Variants in DPH6 observed in about 807,000 individuals in gnomAD.
DPH6 encodes diphthamine biosynthesis 6.
A neutral mutation model predicts 38.2 loss-of-function variants in DPH6; 33 were observed. The ratio of observed to expected loss-of-function variants is 0.86; its 90% CI spans 0.65 to 1.15. The LOEUF (loss-of-function observed/expected upper bound fraction) is 1.15, where lower values mean the gene tolerates loss of function less well. DPH6 is among the 50% of genes most tolerant of loss of function. The probability of loss-of-function intolerance (pLI) is 0.00; values close to 1 mark genes in which losing one functional copy is unlikely to be tolerated. For synonymous variants in DPH6, 108 were observed against 103.0 expected (o/e 1.05, Z -0.30); for missense variants, 325 against 320.0 (o/e 1.02, Z -0.12).
chr15:35,195,988 T>C, the DPH6 span, among the ~76,000 whole-genome samples: 1 of 152,086 alleles, frequency 6.6e-6, no homozygotes, highest in African/African-American at 2.4e-5. Flanking sequence ...GGGTCACAGA[T>C]AGGGTACTGT....
chr15:35,483,862 A>G lies in DPH6; in HGVS notation c.313-29042T>C, dbSNP rs1035000296. On this transcript the variant is annotated intron_variant, in intron 3 of 8. Coordinates refer to ENST00000256538, the MANE Select transcript of DPH6 (RefSeq NM_080650.4). ...GAATACTATTCAGCAATAAAAAGAAATGAAGTACTGATGTGTACAACGTGA... is the reference window on the plus strand; with the variant it reads ...GAATACTATTCAGCAATAAAAAGAAGTGAAGTACTGATGTGTACAACGTGA... Among the ~76,000 whole-genome samples the G allele has an allele frequency of 3.3e-5, 5 of 152,250 alleles. No homozygotes were observed. The South Asian group carries it at 1.0e-3, about 31-fold the overall frequency.
chr15:35,237,589 G>A (rs983148217), intron 3 of DPH6: 21 of 1,587,634 alleles, frequency 1.3e-5, no homozygotes, highest in East Asian at 4.5e-5. Flanking sequence ...AAAAGTGTCC[G>A]AACCTCACGC....
chr15:35,404,354 G>A (rs1454350726), intron 6 of DPH6, among the ~76,000 whole-genome samples: 2 of 152,096 alleles, frequency 1.3e-5, no homozygotes, highest in Non-Finnish European at 2.9e-5. Context: ...GACAGCATAT[G>A]AGGGTTCCCT....
At chr15:35,535,239 A>G (rs1292551619) in intron 3 of DPH6, among the ~76,000 whole-genome samples, 2 of 152,214 alleles carry the variant, frequency 1.3e-5, no homozygotes, top group African/African-American at 4.8e-5. Context: ...AAAAAGGAAC[A>G]ACAATCACAC....
chr15:35,456,060 C>T (rs2053992330), intron 3 of DPH6, among the ~76,000 whole-genome samples: 1 of 152,066 alleles, frequency 6.6e-6, no homozygotes, highest in African/African-American at 2.4e-5. Context: ...CAAATCACCC[C>T]AAAATAAAAC....
intron 3 of DPH6, among the ~76,000 whole-genome samples, chr15:35,361,736 G>A (rs967680970): frequency 6.6e-6 from 1 of 150,576 alleles, no homozygotes; most frequent in Admixed American, 6.6e-5. Flanking sequence ...GAATTTTTTG[G>A]TTCAGTTTTT....
At chr15:35,315,605 A>T (rs2052182176) in intron 3 of DPH6, among the ~76,000 whole-genome samples, 1 of 152,226 alleles carries the variant, frequency 6.6e-6, no homozygotes, top group Non-Finnish European at 1.5e-5. Flanking sequence ...GTAAATTAGC[A>T]GAGTGACTAT....
chr15:35,291,461 C>T (rs1342334417), intron 3 of DPH6, among the ~76,000 whole-genome samples: 1 of 152,022 alleles, frequency 6.6e-6, no homozygotes, highest in Non-Finnish European at 1.5e-5. Context: ...TAACCTTCTA[C>T]AGATTTTTAT....
At chr15:35,306,973 T>C (rs568539628) in intron 3 of DPH6, among the ~76,000 whole-genome samples, 1 of 152,276 alleles carries the variant, frequency 6.6e-6, no homozygotes, top group East Asian at 1.9e-4. Flanking sequence ...AAAGAGAGCA[T>C]TTCAGGGATA....
chr15:35,272,270 A>C (rs547217357), intron 3 of DPH6, among the ~76,000 whole-genome samples: 1 of 152,306 alleles, frequency 6.6e-6, no homozygotes, highest in Non-Finnish European at 1.5e-5. Context: ...TGCAGACACT[A>C]TGGCCATTTA....
intron 5 of DPH6, among the ~76,000 whole-genome samples, chr15:35,433,746 T>C (rs1479738005): frequency 3.3e-5 from 5 of 152,208 alleles, no homozygotes; most frequent in Non-Finnish European, 7.3e-5. Flanking sequence ...TCAATTAATA[T>C]TGAAGCTCTA....
chr15:35,255,291 A>G (rs1398323574), intron 3 of DPH6, among the ~76,000 whole-genome samples: 1 of 152,210 alleles, frequency 6.6e-6, no homozygotes, highest in African/African-American at 2.4e-5. Context: ...GCCTTCTTAA[A>G]TCCCCTCAAA....
intron 6 of DPH6, among the ~76,000 whole-genome samples, chr15:35,408,402 G>T (rs904607913): frequency 2.0e-5 from 3 of 151,978 alleles, no homozygotes; most frequent in Admixed American, 2.0e-4. Context: ...TTAAGGTGAT[G>T]ACAAAGAGAA....
At chr15:35,210,494 C>T in the DPH6 span, among the ~76,000 whole-genome samples, 1 of 152,060 alleles carries the variant, frequency 6.6e-6, no homozygotes, top group African/African-American at 2.4e-5. Flanking sequence ...AATAATTAAC[C>T]ACTGTATTTG....
At chr15:35,511,431 G>A (rs2054768492) in intron 3 of DPH6, among the ~76,000 whole-genome samples, 1 of 150,980 alleles carries the variant, frequency 6.6e-6, no homozygotes, top group Non-Finnish European at 1.5e-5. Context: ...ACACATGTGA[G>A]ATGAAAGAGA....
chr15:35,349,091 T>C (rs764546033), intron 3 of DPH6, among the ~76,000 whole-genome samples: 5 of 152,164 alleles, frequency 3.3e-5, no homozygotes, highest in African/African-American at 9.7e-5. Flanking sequence ...TATAAGATTA[T>C]GTCATTTGTG....
intron 6 of DPH6, among the ~76,000 whole-genome samples, chr15:35,407,042 C>G (rs2053303110): frequency 6.6e-6 from 1 of 151,832 alleles, no homozygotes; most frequent in Non-Finnish European, 1.5e-5. Context: ...AGTGAGTAGC[C>G]TCACAGAAGC....
intron 3 of DPH6, among the ~76,000 whole-genome samples, chr15:35,497,230 A>G (rs2054569702): frequency 6.6e-6 from 1 of 152,206 alleles, no homozygotes; most frequent in Non-Finnish European, 1.5e-5. Flanking sequence ...TTACATTCTT[A>G]GAAATGGTCA....
At chr15:35,382,886 A>T (rs976478979) in intron 6 of DPH6, among the ~76,000 whole-genome samples, 2 of 152,048 alleles carry the variant, frequency 1.3e-5, no homozygotes, top group East Asian at 3.9e-4. Flanking sequence ...AACACAAAAA[A>T]ACCTATGATT....
Sources: gnomAD v4.1 joint callset for allele counts (sites outside exome capture counted in the v4.1 genomes callset) on GRCh38, gnomAD v4.1.1 for gene constraint, MANE v1.5 for transcripts, NCBI Gene and HGNC (gene_info 2026-07-23, HGNC 2026-07-21) for gene names.